Variants in PTPRA observed in about 807,000 individuals in gnomAD.
PTPRA encodes the protein receptor-type tyrosine-protein phosphatase alpha.
Under a neutral mutation model 104.8 loss-of-function variants are expected in PTPRA, and 25 were observed. The ratio of observed to expected loss-of-function variants is 0.24; its 90% CI spans 0.17 to 0.33. PTPRA has a LOEUF of 0.33. Among genes scored for constraint, PTPRA ranks in the 10% least tolerant of loss-of-function variants. PTPRA has a pLI of 1.00. For missense variants in PTPRA, 765 were observed against 1,015.3 expected, an observed-to-expected ratio of 0.75 and a Z score of 3.35; for synonymous variants, 323 against 368.9, an observed-to-expected ratio of 0.88 and a Z score of 1.43.
chr20:3,018,205 T>TTTTTGTTGTTG (rs1158661906), intron 13 of PTPRA, among the ~76,000 whole-genome samples: 2 of 152,138 alleles, frequency 1.3e-5, no homozygotes, highest in Non-Finnish European at 2.9e-5. Flanking sequence ...AGAGGGGTTT[T>TTTTTGTTGTTG]TTTTGTTGTT....
intron 11 of PTPRA, among the ~76,000 whole-genome samples, chr20:3,013,259 G>T (rs2064266747): frequency 6.6e-6 from 1 of 152,104 alleles, no homozygotes; most frequent in Non-Finnish European, 1.5e-5. Flanking sequence ...AGGAAAGTGG[G>T]GTCTGTAGTT....
chr20:2,946,476 A>T (rs2061135273), intron 2 of PTPRA, among the ~76,000 whole-genome samples: 1 of 152,202 alleles, frequency 6.6e-6, no homozygotes, highest in Non-Finnish European at 1.5e-5. Flanking sequence ...GAGAGAGACT[A>T]TGTCAAGTTT....
intron 6 of PTPRA, among the ~76,000 whole-genome samples, chr20:2,979,341 TTTC>T (rs2062574016): frequency 6.6e-6 from 1 of 152,174 alleles, no homozygotes; most frequent in Non-Finnish European, 1.5e-5. Flanking sequence ...TTCTTACTGG[TTTC>T]TTCTTTGGAC....
At chr20:2,942,454 T>A (rs1017908099) in intron 2 of PTPRA, among the ~76,000 whole-genome samples, 1 of 152,128 alleles carries the variant, frequency 6.6e-6, no homozygotes, top group African/African-American at 2.4e-5. Flanking sequence ...TAAAAATGTC[T>A]CTTTTAAACA....
chr20:2,936,868 A>G (rs1297912320), intron 2 of PTPRA, among the ~76,000 whole-genome samples: 1 of 151,936 alleles, frequency 6.6e-6, no homozygotes, highest in African/African-American at 2.4e-5. Context: ...GATACTTTGG[A>G]TTTAAATTTG....
rs2063804492 is a variant in PTPRA, at chr20:3,005,125, C to T, written c.808C>T (p.Arg270Ter). The change falls in exon 10 of 24, where the codon CGA becomes TGA. Residue 270 changes from arginine (R) to a stop codon, truncating the protein, a stop_gained. Transcript: ENST00000399903. LOFTEE classifies it high-confidence loss of function. ...ASKEENKEKNRYVNILPYDHS... is the reference protein window; with the variant it reads ...ASKEENKEKN ...CAAGGAGGAAAACAAGGAAAAAAAT[C>T]GATATGTAAACATCTTGCCTTGTGA... is the stretch of plus-strand genomic sequence containing the variant. The T allele has an allele frequency of 6.2e-7, 1 of 1,606,082 alleles. No homozygotes were observed. The highest frequency in any genetic ancestry group is 8.5e-7 in the Non-Finnish European group (1 of 1,172,704).
intron 1 of PTPRA, among the ~76,000 whole-genome samples, chr20:2,909,960 T>C (rs1231004856): frequency 1.0e-4 from 13 of 123,822 alleles, no homozygotes; most frequent in African/African-American, 3.9e-4. Context: ...TATTATAATA[T>C]ATGATATATA....
intron 6 of PTPRA, among the ~76,000 whole-genome samples, chr20:2,982,610 C>A (rs1372248531): frequency 6.6e-6 from 1 of 151,656 alleles, no homozygotes. Context: ...TCAACAAAGT[C>A]AAATATGTAA....
In PTPRA at chr20:2,923,656, A is replaced by G. The variant is rs140810419; in HGVS notation, c.-50+371A>G. Among the ~76,000 whole-genome samples the G allele has an allele frequency of 2.4e-3, 371 of 152,138 alleles. 2 individuals carry two copies. In the South Asian group the frequency reaches 0.026, roughly 11 times the overall value. On this transcript the variant is annotated intron_variant, in intron 2 of 23. Coordinates refer to ENST00000399903, the MANE Select transcript of PTPRA (RefSeq NM_001385305.1). ...TCTACCAAAAATACAAAAATTAGCC[A>G]GATGTGGTGGCATGTGCCTGTAATC...
intron 11 of PTPRA, among the ~76,000 whole-genome samples, chr20:3,009,985 A>G (rs2064080224): frequency 6.6e-6 from 1 of 151,926 alleles, no homozygotes; most frequent in African/African-American, 2.4e-5. Context: ...AGTAGCCAGG[A>G]TTACAGACAT....
intron 17 of PTPRA, among the ~76,000 whole-genome samples, chr20:3,025,179 G>A (rs1293381162): frequency 6.6e-6 from 1 of 152,190 alleles, no homozygotes; most frequent in Non-Finnish European, 1.5e-5. Flanking sequence ...CCCAGGCTGG[G>A]CACAGTGGCT....
At chr20:2,871,198 C>T (rs2089423307), upstream of PTPRA, among the ~76,000 whole-genome samples, 1 of 152,196 alleles carries the variant, frequency 6.6e-6, no homozygotes, top group South Asian at 2.1e-4. Context: ...GCAGCTGTCT[C>T]ATGGGGAGAG....
At chr20:2,997,295 GT>G (rs994894727) in intron 9 of PTPRA, among the ~76,000 whole-genome samples, 176 of 151,918 alleles carry the variant, frequency 1.2e-3, no homozygotes, top group African/African-American at 4.1e-3. Flanking sequence ...AGGGAACTTT[GT>G]TTTCTACTAA....
At chr20:3,018,479 G>A (rs901902156) in intron 13 of PTPRA, among the ~76,000 whole-genome samples, 82 of 151,496 alleles carry the variant, frequency 5.4e-4, no homozygotes, top group African/African-American at 2.0e-3. Context: ...ATCTTGCACC[G>A]CCCTTAATCC....
At chr20:2,900,501 A>G (rs2147099157) in intron 1 of PTPRA, among the ~76,000 whole-genome samples, 1 of 152,274 alleles carries the variant, frequency 6.6e-6, no homozygotes, top group East Asian at 1.9e-4. Context: ...CTGTGGTTTA[A>G]TTAAATAATG....
intron 2 of PTPRA, among the ~76,000 whole-genome samples, chr20:2,926,906 T>C (rs906327820): frequency 2.6e-5 from 4 of 150,952 alleles, no homozygotes; most frequent in Non-Finnish European, 5.9e-5. Context: ...TTTTCCTGCC[T>C]CAGCCTCCCA....
At chr20:2,992,294 A>G (rs1010475146) in intron 9 of PTPRA, among the ~76,000 whole-genome samples, 1 of 152,108 alleles carries the variant, frequency 6.6e-6, no homozygotes, top group African/African-American at 2.4e-5. Flanking sequence ...AGTTGGACAG[A>G]TCACCTGAGG....
Position 2,989,863 on chromosome 20 carries a change from A to G in PTPRA, c.738+1389A>G, listed in dbSNP as rs977607115. 4.7e-4 allele frequency among the ~76,000 whole-genome samples: 71 copies of G among 151,808 alleles called. 1 individual carries two copies. Among genetic ancestry groups the G allele is most frequent in the Non-Finnish European group, 8.4e-4 (57 of 67,912 alleles). On this transcript the variant is annotated intron_variant, in intron 9 of 23. Transcript: ENST00000399903. ...AAACCCTGTCTCTACTAAAAATACA[A>G]AAAATTAGCTGGGCATGGTGGTGGG...
Position 2,991,910 on chromosome 20 carries a change from G to C in PTPRA, c.738+3436G>C, listed in dbSNP as rs146957968. ...TAGATCCTGACTTCCAGTGAGATAA[G>C]TGGTGTGATAATTTGCTTGAAGTTC... On this transcript the variant is annotated intron_variant, in intron 9 of 23. Transcript: ENST00000399903. Among the ~76,000 whole-genome samples the C allele has an allele frequency of 2.8e-4, 43 of 152,340 alleles. 1 individual carries two copies. The East Asian group carries it at 7.7e-3, about 27-fold the overall frequency.
Sources: gnomAD v4.1 joint callset for allele counts (sites outside exome capture counted in the v4.1 genomes callset) on GRCh38, gnomAD v4.1.1 for gene constraint, MANE v1.5 for transcripts, NCBI Gene and HGNC (gene_info 2026-07-23, HGNC 2026-07-21) for gene names.